Variants in EVL observed in about 807,000 individuals in gnomAD.
EVL encodes Enah/Vasp-like, also known as ena/VASP-like protein.
EVL carries 21 observed loss-of-function variants against 59.6 expected under a neutral mutation model. The ratio of observed to expected loss-of-function variants is 0.35; its 90% CI spans 0.25 to 0.51. The LOEUF (loss-of-function observed/expected upper bound fraction) is 0.51, where lower values mean the gene tolerates loss of function less well. Among genes scored for constraint, EVL ranks in the 20% least tolerant of loss-of-function variants. The pLI is 0.97. For synonymous variants in EVL, 198 were observed against 203.5 expected, an observed-to-expected ratio of 0.97 and a Z score of 0.23; for missense variants, 462 against 546.6, an observed-to-expected ratio of 0.85 and a Z score of 1.54.
chr14:100,128,842 C>G lies in EVL; in HGVS notation c.717+94C>G. On this transcript the variant is annotated intron_variant, in intron 6 of 13. Coordinates refer to ENST00000392920, the MANE Select transcript of EVL (RefSeq NM_016337.3). ...TGTTCCTTCCCGCATCTGCGAGACA[C>G]AGCAAACTGCTTCCCTGCCCAAAGC... The G allele has an allele frequency of 7.3e-6, 8 of 1,095,954 alleles. No homozygotes were observed. In the South Asian group the frequency reaches 1.1e-4, roughly 15 times the overall value. 67.9% of individuals were successfully genotyped at this position (1,095,954 alleles called of 1,614,324 possible).
chr14:100,065,522 G>T lies in EVL; in HGVS notation c.11+11G>T. The stretch of plus-strand genomic sequence containing the variant: ...AGCCATGGCCACAAGGTGAGTATTG[G>T]AACCAGTGCAGGGGACAGAGGGATG... On this transcript the variant is annotated intron_variant, in intron 1 of 13. Coordinates refer to ENST00000392920, the MANE Select transcript of EVL (RefSeq NM_016337.3). 2 of 1,510,718 alleles carry T rather than the reference G, an allele frequency of 1.3e-6. No individual in the cohort carries two copies. The highest frequency in any genetic ancestry group is 1.3e-5 in the South Asian group (1 of 78,788). 93.6% of individuals were successfully genotyped at this position (1,510,718 alleles called of 1,614,324 possible). A position where few individuals can be genotyped will look rare whatever the true frequency, so the allele number is the denominator to read the frequency against.
chr14:100,035,387 G>C (rs1203342144), intron 1 of EVL, among the ~76,000 whole-genome samples: 1 of 145,286 alleles, frequency 6.9e-6, no homozygotes, highest in East Asian at 2.0e-4. Flanking sequence ...GGGGCCATCT[G>C]TTTTCTCTTT....
chr14:100,014,145 C>G (rs949750430), intron 1 of EVL, among the ~76,000 whole-genome samples: 2 of 152,106 alleles, frequency 1.3e-5, no homozygotes, highest in Non-Finnish European at 2.9e-5. Context: ...CATTCTAACT[C>G]TATTTTAATA....
At chr14:100,087,431 TAGTG>T (rs1317256520) in intron 2 of EVL, among the ~76,000 whole-genome samples, 1 of 152,058 alleles carries the variant, frequency 6.6e-6, no homozygotes, top group Non-Finnish European at 1.5e-5. Context: ...CTGGGCAACA[TAGTG>T]AGACCCCATC....
chr14:99,977,326 C>T (rs2060776867), intron 1 of EVL: 1 of 152,138 alleles, frequency 6.6e-6, no homozygotes, highest in Non-Finnish European at 1.5e-5. Flanking sequence ...GTTCCTTTCT[C>T]CTGTCTTGAT....
At chr14:100,141,283 G>A (rs546792890) in intron 12 of EVL, 37 bp downstream of exon 12, 3 of 1,609,980 alleles carry the variant, frequency 1.9e-6, no homozygotes, top group East Asian at 2.2e-5. Flanking sequence ...AAGAGGCTGA[G>A]GGCAGCCAGC....
intron 1 of EVL, among the ~76,000 whole-genome samples, chr14:99,993,934 T>G (rs2060893672): frequency 6.6e-6 from 1 of 151,770 alleles, no homozygotes. Context: ...CCTCAGGTGA[T>G]CTGCCTGCCT....
chr14:100,018,882 T>G (rs1156604839), intron 1 of EVL, among the ~76,000 whole-genome samples: 2 of 152,212 alleles, frequency 1.3e-5, no homozygotes, highest in African/African-American at 4.8e-5. Flanking sequence ...GGCTGGCATC[T>G]CGTTTCCTCC....
At chr14:100,048,270 G>A (rs2061587654) in intron 1 of EVL, among the ~76,000 whole-genome samples, 1 of 152,178 alleles carries the variant, frequency 6.6e-6, no homozygotes. Flanking sequence ...GCTTGTCTTT[G>A]GAATATATAA....
At chr14:100,089,796 G>GC (rs1016768553) in intron 2 of EVL, among the ~76,000 whole-genome samples, 10 of 152,128 alleles carry the variant, frequency 6.6e-5, no homozygotes, top group Non-Finnish European at 1.2e-4. Context: ...AACTGGGTGT[G>GC]GTGGCATGTG....
At chr14:100,000,282 A>G (rs2060937673) in intron 1 of EVL, among the ~76,000 whole-genome samples, 1 of 151,492 alleles carries the variant, frequency 6.6e-6, no homozygotes, top group Non-Finnish European at 1.5e-5. Context: ...AGGCAGGACA[A>G]CTCAAGCAAG....
chr14:100,049,355 A>T (rs892293279), intron 1 of EVL, among the ~76,000 whole-genome samples: 1 of 152,180 alleles, frequency 6.6e-6, no homozygotes, highest in African/African-American at 2.4e-5. Flanking sequence ...AATTGCCTGG[A>T]AGCCAAAGAG....
chr14:100,069,412 G>T (rs544131913), intron 1 of EVL, among the ~76,000 whole-genome samples: 2 of 152,174 alleles, frequency 1.3e-5, no homozygotes, highest in Admixed American at 1.3e-4. Flanking sequence ...ACAATCCTTC[G>T]CACCTAATTG....
At chr14:100,047,168 AAGCCGTTAAACCTAGGAC>A (rs2140242032) in intron 1 of EVL, among the ~76,000 whole-genome samples, 1 of 129,338 alleles carries the variant, frequency 7.7e-6, no homozygotes, top group African/African-American at 3.0e-5. Flanking sequence ...TTTCTTCAGG[AAGCCGTTAAACCTAGGAC>A]AGAAACTGTC....
chr14:100,068,904 T>C (rs1451914240), intron 1 of EVL, among the ~76,000 whole-genome samples: 2 of 152,148 alleles, frequency 1.3e-5, no homozygotes, highest in African/African-American at 2.4e-5. Flanking sequence ...ATGTGTGATA[T>C]GTCTGCCACT....
chr14:100,079,295 G>T (rs2062238077), intron 1 of EVL, among the ~76,000 whole-genome samples: 1 of 152,216 alleles, frequency 6.6e-6, no homozygotes. Context: ...AGAATAAATG[G>T]AGAGGATTGT....
At chr14:100,072,862 C>T (rs770503350) in intron 1 of EVL, among the ~76,000 whole-genome samples, 3 of 152,182 alleles carry the variant, frequency 2.0e-5, no homozygotes, top group Non-Finnish European at 2.9e-5. Context: ...TTTGCTGCGT[C>T]GCCAGGTGGA....
chr14:100,051,394 C>G lies in EVL; in HGVS notation c.6-33293C>G, dbSNP rs200786992. Among the ~76,000 whole-genome samples, 10 of 152,262 alleles carry G rather than the reference C, an allele frequency of 6.6e-5. No individual in the cohort carries two copies. In the East Asian group the frequency reaches 1.9e-3, roughly 29 times the overall value. On this transcript the variant is annotated intron_variant, in intron 1 of 13. Transcript: ENST00000402714. ...TCATGGTCCAGGCATCCACTGGGGG[C>G]CTTGGAACATATCCCCCCATGGATG...
chr14:99,984,173 T>C (rs2060825931), intron 1 of EVL, among the ~76,000 whole-genome samples: 1 of 152,214 alleles, frequency 6.6e-6, no homozygotes, highest in African/African-American at 2.4e-5. Flanking sequence ...GCAAAAGCTA[T>C]TTTATTATGT....
Sources: gnomAD v4.1 joint callset for allele counts (sites outside exome capture counted in the v4.1 genomes callset) on GRCh38, gnomAD v4.1.1 for gene constraint, MANE v1.5 for transcripts, NCBI Gene and HGNC (gene_info 2026-07-23, HGNC 2026-07-21) for gene names.